The following BTAF1 variants were observed in gnomAD, a reference collection of about 807,000 sequenced individuals.
BTAF1 encodes TATA-binding protein-associated factor 172.
Under a neutral mutation model 227.1 loss-of-function variants are expected in BTAF1, and 38 were observed. The ratio of observed to expected loss-of-function variants is 0.17; its 90% CI spans 0.13 to 0.22. The LOEUF (loss-of-function observed/expected upper bound fraction) is 0.22. Ranked by LOEUF, BTAF1 falls within the 10% of genes least tolerant of loss-of-function variation. BTAF1 has a pLI of 1.00. For missense variants in BTAF1, 1,598 were observed against 2,204.0 expected, an observed-to-expected ratio of 0.73 and a Z score of 5.51; for synonymous variants, 742 against 751.9, an observed-to-expected ratio of 0.99 and a Z score of 0.21.
At chr10:92,017,586 C>G (rs990373183) in intron 33 of BTAF1, among the ~76,000 whole-genome samples, 2 of 152,002 alleles carry the variant, frequency 1.3e-5, no homozygotes, top group African/African-American at 4.8e-5. Context: ...TCATAGCTTA[C>G]TGCAACCTCA....
chr10:92,019,020 A>G (rs917267137), intron 34 of BTAF1, 85 bp downstream of exon 34: 1 of 1,278,268 alleles, frequency 7.8e-7, no homozygotes, highest in African/African-American at 1.5e-5. Context: ...AAAGATTACT[A>G]CTGTGTTTAC....
Position 92,026,737 on chromosome 10 carries a change from C to CAT in BTAF1, c.5222_5223dup (p.Arg1742IlefsTer14). On this transcript the variant is annotated frameshift_variant, in exon 36 of 38. Coordinates refer to ENST00000265990, the MANE Select transcript of BTAF1 (RefSeq NM_003972.3). LOFTEE classifies it high-confidence loss of function. ...AGATCTACAAGCCATGGACCGGGCC[C>CAT]ATCGCATTGGGCAGGTAAAAGTCAA... The CAT allele has an allele frequency of 6.2e-7, 1 of 1,613,442 alleles. No individual in the cohort carries two copies. The highest frequency in any genetic ancestry group is 8.5e-7 in the Non-Finnish European group (1 of 1,179,738).
In BTAF1 at chr10:91,957,309, T is replaced by TA; in HGVS notation, c.900+17dup. 7 of 1,597,720 alleles carry TA rather than the reference T, an allele frequency of 4.4e-6. No homozygotes were observed. The highest frequency in any genetic ancestry group is 6.0e-6 in the Non-Finnish European group (7 of 1,167,150). On this transcript the variant is annotated intron_variant, in intron 8 of 37. Coordinates refer to ENST00000265990, the MANE Select transcript of BTAF1 (RefSeq NM_003972.3). ...CTCCTGGGAGGTAAGATTTCTTCAT[T>TA]ACAGTTTTTCTCAGCTCTATTTTCT...
intron 4 of BTAF1, among the ~76,000 whole-genome samples, chr10:91,948,211 A>G (rs1301806449): frequency 8.2e-6 from 1 of 122,058 alleles, no homozygotes; most frequent in Non-Finnish European, 1.6e-5. Context: ...CCCTGTGTCC[A>G]AGTGTTCTCA....
At chr10:91,991,981 C>T in intron 20 of BTAF1, 138 bp from the exon 21 acceptor site, 1 of 605,928 alleles carries the variant, frequency 1.7e-6, no homozygotes, top group African/African-American at 1.9e-5. Context: ...ATTTCATTGT[C>T]TAAGGAAAAT....
chr10:91,994,286 C>T (rs1036011538), intron 22 of BTAF1, among the ~76,000 whole-genome samples: 3 of 149,426 alleles, frequency 2.0e-5, no homozygotes, highest in Non-Finnish European at 3.0e-5. Context: ...GATGACAGAG[C>T]GAGACTCTGT....
intron 4 of BTAF1, among the ~76,000 whole-genome samples, chr10:91,947,712 T>C (rs1339409951): frequency 7.7e-6 from 1 of 129,360 alleles, no homozygotes; most frequent in Non-Finnish European, 1.5e-5. Flanking sequence ...ATATGAATTT[T>C]AGGACCAGTC....
intron 5 of BTAF1, among the ~76,000 whole-genome samples, chr10:91,953,108 C>G (rs1172861665): frequency 6.6e-6 from 1 of 152,180 alleles, no homozygotes; most frequent in Non-Finnish European, 1.5e-5. Flanking sequence ...TGCAGCAGAA[C>G]ATCCACACCA....
At chr10:92,000,315 G>A (rs952981756) in intron 25 of BTAF1, among the ~76,000 whole-genome samples, 4 of 152,322 alleles carry the variant, frequency 2.6e-5, no homozygotes, top group Middle Eastern at 3.4e-3. Flanking sequence ...GAATAAGTGA[G>A]CAGTGGGAAG....
chr10:91,998,227 ATAAT>A (rs1849271626), intron 25 of BTAF1, among the ~76,000 whole-genome samples: 1 of 152,144 alleles, frequency 6.6e-6, no homozygotes, highest in Non-Finnish European at 1.5e-5. Flanking sequence ...TTATATTACA[ATAAT>A]TAAGATTTTT....
chr10:91,946,181 A>T (rs932143880), intron 4 of BTAF1, among the ~76,000 whole-genome samples: 1 of 152,172 alleles, frequency 6.6e-6, no homozygotes, highest in Non-Finnish European at 1.5e-5. Flanking sequence ...CAACATGGAG[A>T]AACCCCATTT....
At chr10:92,027,365 A>G in intron 37 of BTAF1, 65 bp downstream of exon 37, 2 of 1,458,928 alleles carry the variant, frequency 1.4e-6, no homozygotes, top group Non-Finnish European at 1.9e-6. Context: ...CTAAGTTGAA[A>G]GTATTAAAGG....
At chr10:91,982,844 G>A in intron 18 of BTAF1, 83 bp downstream of exon 18, 1 of 1,361,084 alleles carries the variant, frequency 7.3e-7, no homozygotes. Flanking sequence ...CAACAGAAAA[G>A]TGAAAATTTT....
At chr10:91,932,083 A>G (rs12416560) in intron 1 of BTAF1, among the ~76,000 whole-genome samples, 48,604 of 152,118 alleles carry the variant, frequency 0.32, 8,905 homozygotes, top group South Asian at 0.52. Context: ...AAAAAGGAGA[A>G]TCAAGAGGAA....
intron 1 of BTAF1, among the ~76,000 whole-genome samples, chr10:91,929,040 C>T (rs145984144): frequency 4.6e-5 from 7 of 152,264 alleles, no homozygotes; most frequent in African/African-American, 7.2e-5. Flanking sequence ...TTGCAAACTC[C>T]TGGGCTCCAG....
At chr10:92,019,890 TG>T (rs1851001516) in intron 34 of BTAF1, among the ~76,000 whole-genome samples, 1 of 35,954 alleles carries the variant, frequency 2.8e-5, no homozygotes, top group Non-Finnish European at 6.5e-5. Flanking sequence ...TTGTTGTTGC[TG>T]TTTTTTTTTT....
intron 3 of BTAF1, 123 bp from the exon 4 acceptor site, chr10:91,942,295 AGTTT>A (rs1554849770): frequency 3.6e-6 from 2 of 553,818 alleles, no homozygotes; most frequent in African/African-American, 5.4e-5. Context: ...TAAAAAAAAA[AGTTT>A]GTGTGTGTGT....
At chr10:92,014,887 T>C (rs1205821226) in intron 32 of BTAF1, among the ~76,000 whole-genome samples, 9 of 152,232 alleles carry the variant, frequency 5.9e-5, no homozygotes, top group Non-Finnish European at 1.5e-5. Flanking sequence ...TACAGCATGT[T>C]ACTGTACTGA....
In BTAF1 at chr10:91,959,142, C is replaced by A. The variant is rs1252247334; in HGVS notation, c.978C>A (p.Ser326Arg). ...AAAGTGGTGGTAAAATGGGTGACAG[C>A]ACTTTAGAAGAGGTAAGTGTATTAA... is the stretch of plus-strand genomic sequence containing the variant. ...HGKSGGKMGD[S>R]TLEEMIQQHQ... is the part of the protein sequence containing the mutation. Residue 326 changes from serine (S) to arginine (R), a missense_variant, in exon 9 of 38, where the codon AGC becomes AGA. Ser to Arg is a moderately radical substitution (Grantham distance 110). Around this residue, in one of 10 missense-constraint regions of BTAF1, gnomAD observed 298 missense variants for 395.2 expected, o/e 0.75. Transcript: ENST00000265990. The A allele has an allele frequency of 6.2e-7, 1 of 1,613,908 alleles. No individual in the cohort carries two copies.
Sources: gnomAD v4.1 joint callset for allele counts (sites outside exome capture counted in the v4.1 genomes callset) on GRCh38, gnomAD v4.1.1 for gene constraint, gnomAD v4.1.1 regional missense constraint, MANE v1.5 for transcripts, NCBI Gene and HGNC (gene_info 2026-07-23, HGNC 2026-07-21) for gene names.